The following ACYP2 variants were observed in gnomAD, a reference collection of about 807,000 sequenced individuals.
ACYP2 encodes acylphosphatase 2.
Under a neutral mutation model 11.2 loss-of-function variants are expected in ACYP2, and 12 were observed. That is an observed-to-expected ratio of 1.08 (90% CI 0.69 to 1.74). The LOEUF (loss-of-function observed/expected upper bound fraction) is 1.74. Among genes scored for constraint, ACYP2 ranks in the 40% most tolerant of loss-of-function variants. ACYP2 has a pLI of 0.00. For synonymous variants in ACYP2, 43 were observed against 32.2 expected, an observed-to-expected ratio of 1.33 and a Z score of -1.13; for missense variants, 134 against 101.9, an observed-to-expected ratio of 1.31 and a Z score of -1.35.
intron 4 of ACYP2, among the ~76,000 whole-genome samples, chr2:54,118,199 T>C (rs1055880698): frequency 3.9e-5 from 6 of 152,212 alleles, no homozygotes; most frequent in African/African-American, 1.4e-4. Flanking sequence ...ATCTGTACTC[T>C]TTAGAAAGTC....
chr2:54,281,646 C>T (rs1055477694), intron 6 of ACYP2, among the ~76,000 whole-genome samples: 29 of 152,104 alleles, frequency 1.9e-4, no homozygotes, highest in Admixed American at 1.2e-3. Context: ...TCTGGTATTA[C>T]GAAGTAAAAT....
chr2:54,074,644 C>T (rs2103654235), intron 4 of ACYP2, among the ~76,000 whole-genome samples: 1 of 147,628 alleles, frequency 6.8e-6, no homozygotes, highest in South Asian at 2.1e-4. Flanking sequence ...CAGGATTCTC[C>T]AGAGAAACAG....
At chr2:54,293,424 T>C (rs1357647532) in intron 6 of ACYP2, among the ~76,000 whole-genome samples, 1 of 152,222 alleles carries the variant, frequency 6.6e-6, no homozygotes, top group Non-Finnish European at 1.5e-5. Context: ...ATCCTGGGCA[T>C]AGCTCAAGCC....
intron 2 of ACYP2, among the ~76,000 whole-genome samples, chr2:54,014,347 T>C (rs1211540217): frequency 6.6e-6 from 1 of 152,062 alleles, no homozygotes; most frequent in African/African-American, 2.4e-5. Flanking sequence ...TTTTTTGAGA[T>C]GAAGTCTCAC....
At chr2:54,074,583 T>G (rs980081723) in intron 4 of ACYP2, among the ~76,000 whole-genome samples, 3 of 48,712 alleles carry the variant, frequency 6.2e-5, no homozygotes, top group African/African-American at 1.8e-4. Flanking sequence ...AGAATTTGTG[T>G]GTGTGTGTGT....
At chr2:54,005,545 G>A (rs997227140) in intron 2 of ACYP2, among the ~76,000 whole-genome samples, 1 of 152,050 alleles carries the variant, frequency 6.6e-6, no homozygotes, top group African/African-American at 2.4e-5. Flanking sequence ...TGCCATGTTG[G>A]CCAGGCTGGT....
intron 4 of ACYP2, among the ~76,000 whole-genome samples, chr2:54,093,230 T>A (rs1209927542): frequency 1.3e-5 from 2 of 152,102 alleles, no homozygotes; most frequent in Admixed American, 1.3e-4. Flanking sequence ...GCAGATAATA[T>A]CTAAGGGTGA....
At chr2:54,195,097 A>G (rs1185042652) in intron 6 of ACYP2, among the ~76,000 whole-genome samples, 1 of 152,208 alleles carries the variant, frequency 6.6e-6, no homozygotes, top group Non-Finnish European at 1.5e-5. Flanking sequence ...TTACAATGGC[A>G]GTTTTTGATC....
chr2:53,998,572 T>C (rs1672673511), intron 2 of ACYP2, among the ~76,000 whole-genome samples: 1 of 152,104 alleles, frequency 6.6e-6, no homozygotes, highest in South Asian at 2.1e-4. Flanking sequence ...CCCAGCACTT[T>C]GGGAGGCTGA....
intron 2 of ACYP2, among the ~76,000 whole-genome samples, chr2:54,037,111 A>C (rs1674942519): frequency 6.6e-6 from 1 of 152,128 alleles, no homozygotes; most frequent in African/African-American, 2.4e-5. Context: ...AATGGACGTT[A>C]GAATTTTGTT....
intron 4 of ACYP2, among the ~76,000 whole-genome samples, chr2:54,133,539 G>C (rs1020694533): frequency 2.6e-5 from 4 of 152,172 alleles, no homozygotes; most frequent in Middle Eastern, 3.4e-3. Flanking sequence ...CTGAATTTCT[G>C]CACCTGATAC....
chr2:54,022,901 A>G lies in ACYP2; in HGVS notation c.63-28057A>G, dbSNP rs562032553. Reference sequence around the variant, plus strand: ...CCTTAGCTCATACGCCTTTTGTCCTATCATATTTTTCACGACTTTCCAATC... The same window carrying G: ...CCTTAGCTCATACGCCTTTTGTCCTGTCATATTTTTCACGACTTTCCAATC... On this transcript the variant is annotated intron_variant, in intron 2 of 6. Transcript: ENST00000607452. Among the ~76,000 whole-genome samples, 7 of 152,128 alleles carry G rather than the reference A, an allele frequency of 4.6e-5. No homozygotes were observed. The South Asian group carries it at 1.5e-3, about 32-fold the overall frequency.
chr2:54,114,235 G>A lies in ACYP2; in HGVS notation c.278-21218G>A, dbSNP rs1679614309. On this transcript the variant is annotated intron_variant, in intron 4 of 6. Transcript: ENST00000607452. ...AGTAAACAGATTTGGAATTCTAGAAGGTGGCAGATTATCAATAGCTGTATC... is the reference window on the plus strand; with the variant it reads ...AGTAAACAGATTTGGAATTCTAGAAAGTGGCAGATTATCAATAGCTGTATC... Among the ~76,000 whole-genome samples the A allele has an allele frequency of 2.6e-5, 4 of 152,182 alleles. No homozygotes were observed. The South Asian group carries it at 8.3e-4, about 32-fold the overall frequency.
chr2:54,062,755 TA>T (rs1676535326), intron 4 of ACYP2, among the ~76,000 whole-genome samples: 1 of 152,222 alleles, frequency 6.6e-6, no homozygotes, highest in Non-Finnish European at 1.5e-5. Flanking sequence ...CTTAGCAAGA[TA>T]AATTTTGGGC....
At chr2:54,017,272 CTTTT>C (rs143681564) in intron 2 of ACYP2, among the ~76,000 whole-genome samples, 3 of 123,128 alleles carry the variant, frequency 2.4e-5, no homozygotes, top group Non-Finnish European at 4.9e-5. Flanking sequence ...CTTTTCTTTT[CTTTT>C]TTTTTTTTTT....
intron 4 of ACYP2, among the ~76,000 whole-genome samples, chr2:54,060,762 C>T (rs1676428945): frequency 6.6e-6 from 1 of 152,156 alleles, no homozygotes; most frequent in Non-Finnish European, 1.5e-5. Flanking sequence ...AGTCCTCAGC[C>T]TTTTTGAATG....
At chr2:54,166,482 T>C (rs1330789185) in intron 6 of ACYP2, among the ~76,000 whole-genome samples, 1 of 152,196 alleles carries the variant, frequency 6.6e-6, no homozygotes, top group Non-Finnish European at 1.5e-5. Flanking sequence ...TTAACTTTTG[T>C]ACAAACTGAG....
At chr2:54,197,510 A>C (rs1684542039) in intron 6 of ACYP2, among the ~76,000 whole-genome samples, 2 of 152,338 alleles carry the variant, frequency 1.3e-5, no homozygotes, top group South Asian at 4.1e-4. Flanking sequence ...CATAGTATCC[A>C]AAACCAATGC....
At chr2:54,261,032 G>A (rs60423313) in intron 6 of ACYP2, among the ~76,000 whole-genome samples, 17 of 152,202 alleles carry the variant, frequency 1.1e-4, no homozygotes, top group African/African-American at 3.9e-4. Flanking sequence ...TCAGTTAGTG[G>A]GAAGGCAGAC....
Sources: allele counts gnomAD v4.1 joint callset (sites outside exome capture counted in the v4.1 genomes callset), GRCh38; gene constraint gnomAD v4.1.1; transcripts MANE v1.5; gene names NCBI Gene and HGNC (gene_info 2026-07-23, HGNC 2026-07-21).